The following OLFML2A variants were observed in gnomAD, a reference collection of about 807,000 sequenced individuals.
OLFML2A encodes olfactomedin-like protein 2A.
A neutral mutation model predicts 60.9 loss-of-function variants in OLFML2A; 47 were observed. The observed-to-expected ratio is 0.77, with a 90% confidence interval of 0.61 to 0.98. OLFML2A has a LOEUF of 0.98. Ranked by LOEUF, OLFML2A falls within the 50% of genes least tolerant of loss-of-function variation. The probability of loss-of-function intolerance (pLI) is 0.00; values close to 1 mark genes in which losing one functional copy is unlikely to be tolerated. For synonymous variants in OLFML2A, 372 were observed against 375.0 expected, an observed-to-expected ratio of 0.99 and a Z score of 0.09; for missense variants, 922 against 879.8, an observed-to-expected ratio of 1.05 and a Z score of -0.61.
intron 2 of OLFML2A, 40 bp downstream of exon 2, chr9:124,787,278 A>G (rs753396393): frequency 1.9e-6 from 3 of 1,586,878 alleles, no homozygotes; most frequent in Middle Eastern, 1.7e-4. Context: ...AGGGCCTATC[A>G]TGAGCTGGAG....
intron 1 of OLFML2A, among the ~76,000 whole-genome samples, chr9:124,784,940 C>CTTTTTTTTTTTTTTTTTTTTT: frequency 2.0e-5 from 1 of 50,052 alleles, no homozygotes; most frequent in Non-Finnish European, 3.7e-5. Flanking sequence ...ATTCCTTTTA[C>CTTTTTTTTTTTTTTTTTTTTT]TTGTTTTTTT....
chr9:124,777,390 C>T lies in OLFML2A; in HGVS notation c.90+30C>T. On this transcript the variant is annotated intron_variant, in intron 1 of 7. Coordinates refer to ENST00000373580, the MANE Select transcript of OLFML2A (RefSeq NM_182487.4). The surrounding 1 kb of genome is among the most constrained non-coding windows in gnomAD (Gnocchi z 6.2). ...GCACGCCCCTCGGACCCGCGCGGCT[C>T]GGCGGGTAGCGGGGCGCGAGGGGGC... 2 of 1,229,754 alleles carry T rather than the reference C, an allele frequency of 1.6e-6. No individual in the cohort carries two copies. Among genetic ancestry groups the T allele is most frequent in the South Asian group, 3.6e-5 (1 of 27,714 alleles). 76.2% of individuals were successfully genotyped at this position (1,229,754 alleles called of 1,614,324 possible).
chr9:124,795,903 T>C (rs2131262642), intron 3 of OLFML2A, among the ~76,000 whole-genome samples: 1 of 152,328 alleles, frequency 6.6e-6, no homozygotes, highest in African/African-American at 2.4e-5. Flanking sequence ...TCAGGGTGAA[T>C]GTGCTATAGG....
chr9:124,800,721 G>A, intron 4 of OLFML2A: 2 of 536,604 alleles, frequency 3.7e-6, no homozygotes, highest in Non-Finnish European at 4.8e-6. Flanking sequence ...TGGCAATGGT[G>A]CAGAAGGCAC....
intron 5 of OLFML2A, among the ~76,000 whole-genome samples, chr9:124,803,119 A>C (rs748537385): frequency 2.6e-5 from 4 of 151,844 alleles, no homozygotes; most frequent in Non-Finnish European, 5.9e-5. Context: ...ATGTTGGCCA[A>C]GCTGGTCTCG....
intron 2 of OLFML2A, among the ~76,000 whole-genome samples, chr9:124,794,338 C>T (rs1841624391): frequency 1.3e-5 from 2 of 152,234 alleles, no homozygotes; most frequent in Non-Finnish European, 2.9e-5. Flanking sequence ...GATGCAGGCA[C>T]ATGGAAGCCA....
intron 6 of OLFML2A, 113 bp from the exon 7 acceptor site, chr9:124,807,668 A>G (rs747105167): frequency 1.4e-5 from 11 of 798,604 alleles, no homozygotes; most frequent in Non-Finnish European, 2.1e-5. Flanking sequence ...GAAGGCCACA[A>G]ACAAAATTTC....
At chr9:124,784,121 A>G (rs1161478493) in intron 1 of OLFML2A, among the ~76,000 whole-genome samples, 1 of 152,096 alleles carries the variant, frequency 6.6e-6, no homozygotes, top group African/African-American at 2.4e-5. Context: ...ATCAACTCAC[A>G]TGGGCCTTGA....
intron 4 of OLFML2A, chr9:124,801,035 C>G (rs1486834415): frequency 1.3e-6 from 2 of 1,551,386 alleles, no homozygotes; most frequent in Non-Finnish European, 1.7e-6. Context: ...CCCCTGCCCA[C>G]GTACTAAGAC....
chr9:124,807,187 T>A (rs900949258), intron 6 of OLFML2A, among the ~76,000 whole-genome samples: 3 of 151,642 alleles, frequency 2.0e-5, no homozygotes, highest in Non-Finnish European at 2.9e-5. Flanking sequence ...GCCTCCCAAA[T>A]TGCTGGGATT....
rs1489669210 is a variant in OLFML2A, at chr9:124,814,764, A to G, written c.*4352A>G. 3 of 151,502 alleles carry G rather than the reference A, an allele frequency of 2.0e-5. No homozygotes were observed. Among genetic ancestry groups the G allele is most frequent in the Non-Finnish European group, 4.4e-5 (3 of 67,912 alleles). The allele number at this position is 151,502 out of a possible 1,614,324, so 9.4% of individuals were successfully genotyped here. A position where few individuals can be genotyped will look rare whatever the true frequency, so the allele number is the denominator to read the frequency against. ...ATTCTAGCTTTCTGCTTTTACCTTT[A>G]CCCTAATCTTTTTATTTTTATGCTA... is the stretch of plus-strand genomic sequence containing the variant. On this transcript the variant is annotated 3_prime_UTR_variant, in exon 8 of 8. Transcript: ENST00000373580.
chr9:124,797,353 G>A (rs569916612), intron 3 of OLFML2A, among the ~76,000 whole-genome samples: 1 of 152,302 alleles, frequency 6.6e-6, no homozygotes, highest in African/African-American at 2.4e-5. Flanking sequence ...CTGCCATTTA[G>A]TTGTTAGTAT....
chr9:124,779,466 C>T lies in OLFML2A; in HGVS notation c.90+2106C>T, dbSNP rs964712834. The stretch of plus-strand genomic sequence containing the variant: ...TGTGGGGGAGAGCTCACATTCTAAA[C>T]AAAGCAGAGACAAAGAAAACCCAAC... On this transcript the variant is annotated intron_variant, in intron 1 of 7. Transcript: ENST00000373580. This position sits in a 1 kb window ranked among gnomAD's most constrained non-coding sequence, Gnocchi z 4.1. 5.3e-5 allele frequency among the ~76,000 whole-genome samples: 8 copies of T among 151,506 alleles called. No homozygotes were observed.
At position 124,814,159 on chromosome 9, in the gene OLFML2A, C is replaced by CTGGGGGATTTTCCTGGGAATGATT. The variant is rs1320532629; in HGVS notation, c.*3750_*3773dup. ...CTTGCGGGCAGTGCTAAAGGTGGAGCTGGGGGATTTTCCTGGGAATGATTT... is the reference window on the plus strand; with the variant it reads ...CTTGCGGGCAGTGCTAAAGGTGGAGCTGGGGGATTTTCCTGGGAATGATTTGGGGGATTTTCCTGGGAATGATTT... On this transcript the variant is annotated 3_prime_UTR_variant, in exon 8 of 8. Coordinates refer to ENST00000373580, the MANE Select transcript of OLFML2A (RefSeq NM_182487.4). 1.3e-5 allele frequency: 2 copies of CTGGGGGATTTTCCTGGGAATGATT among 152,266 alleles called. No individual in the cohort carries two copies. The highest frequency in any genetic ancestry group is 2.9e-5 in the Non-Finnish European group (2 of 68,098). The allele number at this position is 152,266 out of a possible 1,614,324, so 9.4% of individuals were successfully genotyped here.
rs547067436 is a variant in OLFML2A, at chr9:124,793,449, G to A, written c.355-1575G>A. Reference sequence around the variant, plus strand: ...TCCCTCTCTCGGCTGCCATTTCCCCGTCTGACCATGACACAGGAGCCATAA... The same window carrying A: ...TCCCTCTCTCGGCTGCCATTTCCCCATCTGACCATGACACAGGAGCCATAA... On this transcript the variant is annotated intron_variant, in intron 2 of 7. Transcript: ENST00000373580. 9.4e-4 allele frequency among the ~76,000 whole-genome samples: 143 copies of A among 152,276 alleles called. 1 individual carries two copies. In the South Asian group the frequency reaches 0.018, roughly 19 times the overall value.
Position 124,799,349 on chromosome 9 carries a change from A to G in OLFML2A, c.527A>G (p.Glu176Gly), listed in dbSNP as rs765623088. The G allele has an allele frequency of 3.1e-6, 5 of 1,613,750 alleles. No homozygotes were observed. Among genetic ancestry groups the G allele is most frequent in the Non-Finnish European group, 2.5e-6 (3 of 1,179,826 alleles). ...AAGGACAGCGTGCGCCACCTCAGTG[A>G]GCAGTTGAGGCACTATGAGAATCAC... ...VVKDSVRHLS[E>G]QLRHYENHSA... Residue 176 changes from glutamate to glycine, a missense_variant, in exon 4 of 8, where the codon GAG becomes GGG. By Grantham distance (98) the Glu-to-Gly change is moderately conservative (BLOSUM62 -2). Coordinates refer to ENST00000373580, the MANE Select transcript of OLFML2A (RefSeq NM_182487.4).
chr9:124,805,605 C>A (rs1357397906), intron 6 of OLFML2A, among the ~76,000 whole-genome samples: 2 of 151,952 alleles, frequency 1.3e-5, no homozygotes, highest in Non-Finnish European at 2.9e-5. Flanking sequence ...TTAAATTTTT[C>A]TTTGGATGGG....
chr9:124,808,240 C>T (rs549886505), intron 7 of OLFML2A, among the ~76,000 whole-genome samples: 1 of 152,364 alleles, frequency 6.6e-6, no homozygotes, highest in Admixed American at 6.5e-5. Flanking sequence ...ACAAGTGTGA[C>T]TTACCATCAA....
chr9:124,780,986 G>A (rs575058648), intron 1 of OLFML2A, among the ~76,000 whole-genome samples: 3 of 152,316 alleles, frequency 2.0e-5, no homozygotes, highest in Non-Finnish European at 4.4e-5. Context: ...GTTAGAGCAG[G>A]ACCCAGGCAT....
Sources: allele counts gnomAD v4.1 joint callset (sites outside exome capture counted in the v4.1 genomes callset), GRCh38; gene constraint gnomAD v4.1.1; non-coding constraint Gnocchi (gnomAD v3.1); transcripts MANE v1.5; gene names NCBI Gene and HGNC (gene_info 2026-07-23, HGNC 2026-07-21).